BTBD3: variants seen among roughly 807,000 people sequenced by gnomAD.
BTBD3 encodes BTB/POZ domain-containing protein 3.
A neutral mutation model predicts 41.6 loss-of-function variants in BTBD3; 14 were observed. That is an observed-to-expected ratio of 0.34 (90% confidence interval 0.22 to 0.53). The LOEUF (loss-of-function observed/expected upper bound fraction) is 0.53. Among genes scored for constraint, BTBD3 ranks in the 20% least tolerant of loss-of-function variants. The pLI is 0.95. For missense variants in BTBD3, 426 were observed against 654.7 expected (o/e 0.65, Z 3.81); for synonymous variants, 249 against 233.7 (o/e 1.07, Z -0.60).
At chr20:11,895,659 A>G (rs1210919274) in intron 1 of BTBD3, among the ~76,000 whole-genome samples, 3 of 151,888 alleles carry the variant, frequency 2.0e-5, no homozygotes, top group Non-Finnish European at 4.4e-5. Context: ...CTGTTTACCT[A>G]CTCTTCCAAG....
chr20:11,896,838 G>A (rs1198015308), intron 1 of BTBD3, among the ~76,000 whole-genome samples: 1 of 152,148 alleles, frequency 6.6e-6, no homozygotes, highest in African/African-American at 2.4e-5. Context: ...GAATGCATGG[G>A]AAGAATGTAG....
rs1289613273 is a variant in BTBD3 at position 11,918,481 on chromosome 20, G to A, written c.206G>A (p.Arg69His). 4 of 1,614,086 alleles carry A rather than the reference G, an allele frequency of 2.5e-6. No homozygotes were observed. Among genetic ancestry groups the A allele is most frequent in the South Asian group, 1.1e-5 (1 of 91,074 alleles). ...KKKMAADIFP[R>H]KKPANSSSTS... ...AAGATGGCTGCTGATATATTCCCCC[G>A]TAAAAAGCCAGCCAACTCCAGCAGC... The change falls in exon 1 of 4, where the codon CGT becomes CAT. Residue 69 changes from arginine (R) to histidine (H), a missense_variant. By Grantham distance (29) the Arg-to-His change is conservative. Around this residue, in one of 3 missense-constraint regions of BTBD3, gnomAD observed 52 missense variants for 45.1 expected, o/e 1.15. Coordinates refer to ENST00000378226, the MANE Select transcript of BTBD3 (RefSeq NM_014962.4).
chr20:11,906,925 T>C (rs1163996835), intron 1 of BTBD3, among the ~76,000 whole-genome samples: 2 of 152,230 alleles, frequency 1.3e-5, no homozygotes, highest in African/African-American at 4.8e-5. Flanking sequence ...TTAGACAGTC[T>C]TTTTAATTAT....
chr20:11,918,161 A>C lies in BTBD3; in HGVS notation c.-115A>C. The C allele has an allele frequency of 6.7e-7, 1 of 1,484,880 alleles. No individual in the cohort carries two copies. The highest frequency in any genetic ancestry group is 8.9e-7 in the Non-Finnish European group (1 of 1,129,324). The allele number at this position is 1,484,880 out of a possible 1,614,324, so 92.0% of individuals were successfully genotyped here. ...GTCACCTTGCCTGGCTGAGAAAAGC[A>C]GCAAAATATCAGCTTTGTTGGTTTC... On this transcript the variant is annotated 5_prime_UTR_variant, in exon 1 of 4. Coordinates refer to ENST00000378226, the MANE Select transcript of BTBD3 (RefSeq NM_014962.4).
At chr20:11,907,014 A>G (rs1275725863) in intron 1 of BTBD3, among the ~76,000 whole-genome samples, 1 of 152,124 alleles carries the variant, frequency 6.6e-6, no homozygotes, top group Non-Finnish European at 1.5e-5. Context: ...TTTCCAGTTC[A>G]TTAAATCATT....
intron 1 of BTBD3, among the ~76,000 whole-genome samples, chr20:11,895,745 G>C (rs768391210): frequency 2.0e-5 from 3 of 152,128 alleles, no homozygotes; most frequent in African/African-American, 7.2e-5. Context: ...AAGGCATCTT[G>C]GAATTTTAGA....
In BTBD3 at chr20:11,919,423, G is replaced by A. The variant is rs76463666; in HGVS notation, c.417+247G>A. 4,888 of 1,406,858 alleles carry A rather than the reference G, an allele frequency of 3.5e-3. 162 individuals are homozygous for A. In the African/African-American group the frequency reaches 0.063, roughly 18 times the overall value. The allele number at this position is 1,406,858 out of a possible 1,614,324, so 87.1% of individuals were successfully genotyped here. On this transcript the variant is annotated intron_variant, in intron 2 of 3. Transcript: ENST00000378226. The stretch of plus-strand genomic sequence containing the variant: ...CCAGACATGGGAAGTTGTTGTGACA[G>A]GTCAGGAAAGTCGTATGTTTACCCT...
At chr20:11,914,358 T>C (rs527438412), upstream of BTBD3, among the ~76,000 whole-genome samples, 19 of 152,214 alleles carry the variant, frequency 1.2e-4, no homozygotes, top group Non-Finnish European at 1.8e-4. Context: ...ATCAATCTTA[T>C]AGTTTTATAA....
At chr20:11,919,951 G>T in intron 3 of BTBD3, 115 bp downstream of exon 3, 2 of 893,196 alleles carry the variant, frequency 2.2e-6, no homozygotes, top group Non-Finnish European at 1.8e-6. Flanking sequence ...TGAAGAAAGA[G>T]GGTGCTGCTT....
chr20:11,920,529 T>C (rs2056961808), intron 3 of BTBD3, among the ~76,000 whole-genome samples: 1 of 152,194 alleles, frequency 6.6e-6, no homozygotes, highest in Admixed American at 6.5e-5. Flanking sequence ...AAAAGATAGT[T>C]TTCTGTCTGG....
rs974155979 is a variant in BTBD3 at position 11,923,743 on chromosome 20, A to G, written c.*77A>G. 18 of 1,345,762 alleles carry G rather than the reference A, an allele frequency of 1.3e-5. No homozygotes were observed. The highest frequency in any genetic ancestry group is 1.7e-5 in the Non-Finnish European group (17 of 979,904). The allele number at this position is 1,345,762 out of a possible 1,614,324, so 83.4% of individuals were successfully genotyped here. A position where few individuals can be genotyped will look rare whatever the true frequency, so the allele number is the denominator to read the frequency against. On this transcript the variant is annotated 3_prime_UTR_variant, in exon 4 of 4. Coordinates refer to ENST00000378226, the MANE Select transcript of BTBD3 (RefSeq NM_014962.4). The surrounding 1 kb of genome is among the most constrained non-coding windows in gnomAD (Gnocchi z 5.3). The stretch of plus-strand genomic sequence containing the variant: ...CTTGCCTGATGCTTAGCTCATCTGC[A>G]AATATGTGATCAGTGCCGGTAATTT...
In BTBD3 at chr20:11,923,996, T is replaced by G. The variant is rs2056995869; in HGVS notation, c.*330T>G. 4.5e-6 allele frequency: 1 copy of G among 224,108 alleles called. No homozygotes were observed. The highest frequency in any genetic ancestry group is 1.3e-4 in the South Asian group (1 of 7,864). The allele number at this position is 224,108 out of a possible 1,614,324, so 13.9% of individuals were successfully genotyped here. A position where few individuals can be genotyped will look rare whatever the true frequency, so the allele number is the denominator to read the frequency against. ...CCTCTGAAGATAATTTTGGATCACC[T>G]TGAATTTCCTTTTGGACGTTATTTG... On this transcript the variant is annotated 3_prime_UTR_variant, in exon 4 of 4. Transcript: ENST00000378226. The surrounding 1 kb of genome is among the most constrained non-coding windows in gnomAD (Gnocchi z 5.3).
chr20:11,894,461 A>G (rs937495931), intron 1 of BTBD3, among the ~76,000 whole-genome samples: 8 of 152,180 alleles, frequency 5.3e-5, no homozygotes, highest in African/African-American at 1.7e-4. Context: ...TTCTATAAAA[A>G]TATGATCTTT....
chr20:11,912,450 A>G (rs915455094), intron 1 of BTBD3, among the ~76,000 whole-genome samples: 3 of 152,206 alleles, frequency 2.0e-5, no homozygotes, highest in Non-Finnish European at 4.4e-5. Flanking sequence ...AATCTTGCTT[A>G]TTATTGAACC....
At chr20:11,914,660 G>T (rs961873284), upstream of BTBD3, among the ~76,000 whole-genome samples, 1 of 151,886 alleles carries the variant, frequency 6.6e-6, no homozygotes, top group African/African-American at 2.4e-5. Context: ...AGAACCTAGT[G>T]TGTTAAACCT....
chr20:11,922,255 A>G (rs1402287486), intron 3 of BTBD3, among the ~76,000 whole-genome samples: 6 of 152,182 alleles, frequency 3.9e-5, no homozygotes, highest in Non-Finnish European at 5.9e-5. Context: ...ACATAACGAG[A>G]CTATTCTTGG....
intron 3 of BTBD3, among the ~76,000 whole-genome samples, chr20:11,920,625 T>C (rs4813064): frequency 0.9 from 137,114 of 152,248 alleles, 61,974 homozygotes; most frequent in East Asian, 1. Context: ...GTGTGGTAGT[T>C]CACCAAGTGA....
At chr20:11,892,824 T>TA (rs1028426466) in intron 1 of BTBD3, among the ~76,000 whole-genome samples, 5 of 152,046 alleles carry the variant, frequency 3.3e-5, no homozygotes, top group African/African-American at 9.7e-5. Flanking sequence ...TTTAAAAATT[T>TA]AAAAAAAATA....
chr20:11,922,850 G>C lies in BTBD3; in HGVS notation c.753G>C (p.Gln251His). ...TQRCWEVIDA[Q>H]AELALKSEGF... ...GTTGCTGGGAGGTGATTGATGCCCAGGCTGAGTTAGCTCTCAAGTCTGAGG... is the reference window on the plus strand; with the variant it reads ...GTTGCTGGGAGGTGATTGATGCCCACGCTGAGTTAGCTCTCAAGTCTGAGG... Residue 251 changes from glutamine (Q) to histidine (H), a missense_variant, in exon 4 of 4, where the codon CAG (glutamine) becomes CAC (histidine). Around this residue, in one of 3 missense-constraint regions of BTBD3, gnomAD observed 321 missense variants for 534.8 expected, o/e 0.60. Coordinates refer to ENST00000378226, the MANE Select transcript of BTBD3 (RefSeq NM_014962.4). 6.2e-7 allele frequency: 1 copy of C among 1,614,204 alleles called. No homozygotes were observed. Among genetic ancestry groups the C allele is most frequent in the Non-Finnish European group, 8.5e-7 (1 of 1,180,036 alleles).
Sources: allele counts gnomAD v4.1 joint callset (sites outside exome capture counted in the v4.1 genomes callset), GRCh38; gene constraint gnomAD v4.1.1; regional missense constraint gnomAD v4.1.1; non-coding constraint Gnocchi (gnomAD v3.1); transcripts MANE v1.5; gene names NCBI Gene and HGNC (gene_info 2026-07-23, HGNC 2026-07-21).